The following CSMD3 variants were observed in gnomAD, a reference collection of about 807,000 sequenced individuals.
CSMD3 encodes the protein CUB and sushi domain-containing protein 3.
In CSMD3, 177 loss-of-function variants were observed where a neutral mutation model predicts 435.2. The ratio of observed to expected loss-of-function variants is 0.41; its 90% CI spans 0.36 to 0.46. CSMD3 has a LOEUF of 0.46. Among genes scored for constraint, CSMD3 ranks in the 20% least tolerant of loss-of-function variants. The pLI is 0.34. For synonymous variants in CSMD3, 1,656 were observed against 1,520.5 expected (o/e 1.09, Z -2.07); for missense variants, 4,265 against 4,504.6 (o/e 0.95, Z 1.52).
chr8:112,653,335 C>T (rs1328108301), intron 18 of CSMD3, among the ~76,000 whole-genome samples: 1 of 152,132 alleles, frequency 6.6e-6, no homozygotes, highest in Non-Finnish European at 1.5e-5. Context: ...CCTCAAATAT[C>T]TATTGATCAT....
chr8:112,664,893 T>A lies in CSMD3; in HGVS notation c.2816+1384A>T, dbSNP rs77719329. Among the ~76,000 whole-genome samples the A allele has an allele frequency of 1.8e-3, 272 of 152,248 alleles. 2 individuals carry two copies. Among genetic ancestry groups the A allele is most frequent in the Middle Eastern group, 0.01 (3 of 294 alleles). ...TGAGAAAATTAGTTTTTGTTTTTTATCTCATGCAGTCTGTGACACTTGGTT... is the reference window on the plus strand; with the variant it reads ...TGAGAAAATTAGTTTTTGTTTTTTAACTCATGCAGTCTGTGACACTTGGTT... On this transcript the variant is annotated intron_variant, in intron 17 of 70. Transcript: ENST00000297405.
intron 1 of CSMD3, among the ~76,000 whole-genome samples, chr8:113,386,017 G>C (rs1328440855): frequency 6.6e-6 from 1 of 152,006 alleles, no homozygotes; most frequent in East Asian, 1.9e-4. Flanking sequence ...ATAAAGTTGA[G>C]ATAGTCAAAT....
chr8:112,652,111 G>T (rs1168622785), intron 18 of CSMD3, among the ~76,000 whole-genome samples: 1 of 152,016 alleles, frequency 6.6e-6, no homozygotes, highest in Non-Finnish European at 1.5e-5. Context: ...ATGGCTAATG[G>T]CACCATGTTC....
At chr8:112,369,630 C>T (rs1348237311) in intron 38 of CSMD3, among the ~76,000 whole-genome samples, 1 of 152,090 alleles carries the variant, frequency 6.6e-6, no homozygotes, top group African/African-American at 2.4e-5. Context: ...CAAAACCCCA[C>T]ATGTTCTCAC....
At chr8:112,851,374 GT>G (rs1811740631) in intron 11 of CSMD3, among the ~76,000 whole-genome samples, 2 of 152,072 alleles carry the variant, frequency 1.3e-5, no homozygotes, top group South Asian at 4.1e-4. Flanking sequence ...CCAGTTTCAC[GT>G]TTTTTCTCAT....
At chr8:112,337,159 C>T (rs967748595) in intron 43 of CSMD3, among the ~76,000 whole-genome samples, 1 of 151,936 alleles carries the variant, frequency 6.6e-6, no homozygotes, top group African/African-American at 2.4e-5. Flanking sequence ...CATATAAGGC[C>T]TTATAAGAGG....
intron 13 of CSMD3, among the ~76,000 whole-genome samples, chr8:112,776,748 G>T (rs893422245): frequency 6.6e-6 from 1 of 151,660 alleles, no homozygotes; most frequent in Admixed American, 6.6e-5. Context: ...CTAAAGCAAT[G>T]ACCATTATAT....
chr8:112,731,502 G>A (rs1020677117), intron 13 of CSMD3, among the ~76,000 whole-genome samples: 2 of 152,100 alleles, frequency 1.3e-5, no homozygotes, highest in Non-Finnish European at 2.9e-5. Context: ...TATGAACATG[G>A]ATTTTAGATA....
intron 5 of CSMD3, among the ~76,000 whole-genome samples, chr8:113,036,048 T>C (rs2087337002): frequency 6.6e-6 from 1 of 151,974 alleles, no homozygotes; most frequent in African/African-American, 2.4e-5. Context: ...AGAAAGCCAA[T>C]GTTTTAAAAG....
chr8:113,020,699 C>G (rs765431398), intron 5 of CSMD3, among the ~76,000 whole-genome samples: 5 of 152,138 alleles, frequency 3.3e-5, no homozygotes, highest in Non-Finnish European at 5.9e-5. Flanking sequence ...TCACAGTTTT[C>G]TTCTTCAGAA....
At chr8:112,357,048 G>A (rs756557888) in intron 38 of CSMD3, among the ~76,000 whole-genome samples, 1 of 152,154 alleles carries the variant, frequency 6.6e-6, no homozygotes, top group Non-Finnish European at 1.5e-5. Flanking sequence ...GAACAGTTTG[G>A]AGGGCTCAGA....
rs142651416 is a variant in CSMD3 at position 112,790,974 on chromosome 8, T to C, written c.1972+9188A>G. Among the ~76,000 whole-genome samples, 75 of 152,198 alleles carry C rather than the reference T, an allele frequency of 4.9e-4. No individual in the cohort carries two copies. In the Middle Eastern group the frequency reaches 0.01, roughly 21 times the overall value. ...AACCACTCATATTTAAAGTATACAG[T>C]TTGATAAATTTTCACACATATATGC... On this transcript the variant is annotated intron_variant, in intron 13 of 70. Coordinates refer to ENST00000297405, the MANE Select transcript of CSMD3 (RefSeq NM_198123.2).
At chr8:112,314,378 G>A (rs1488118293) in intron 48 of CSMD3, 51 bp downstream of exon 48, 2 of 1,284,524 alleles carry the variant, frequency 1.6e-6, no homozygotes, top group African/African-American at 2.9e-5. Flanking sequence ...TGTATAATTA[G>A]AACATTTGTA....
chr8:113,153,162 G>GGAAA (rs2091862891), intron 4 of CSMD3, among the ~76,000 whole-genome samples: 1 of 137,836 alleles, frequency 7.3e-6, no homozygotes, highest in Admixed American at 7.4e-5. Context: ...AAGGAAGGAA[G>GGAAA]GAAGGAAGGA....
chr8:112,479,296 A>T (rs1819393832), intron 31 of CSMD3, among the ~76,000 whole-genome samples: 1 of 152,230 alleles, frequency 6.6e-6, no homozygotes, highest in South Asian at 2.1e-4. Flanking sequence ...GAAGGGAAGT[A>T]GAGTGTAAAC....
intron 33 of CSMD3, 46 bp from the exon 34 acceptor site, chr8:112,408,459 C>G (rs2130067558): frequency 8.9e-7 from 1 of 1,129,268 alleles, no homozygotes; most frequent in Non-Finnish European, 1.4e-6. Context: ...AATTTTCATT[C>G]AGTAAACCTA....
rs11440584 is a variant in CSMD3, at chr8:113,308,258, C to CTTTTTTTTTT, written c.401+6303_401+6312dup. 1.1e-3 allele frequency among the ~76,000 whole-genome samples: 71 copies of CTTTTTTTTTT among 64,966 alleles called. 14 individuals carry two copies. Among genetic ancestry groups the CTTTTTTTTTT allele is most frequent in the East Asian group, 3.0e-3 (6 of 1,976 alleles). 42.6% of individuals were successfully genotyped at this position (64,966 alleles called of 152,430 possible). A position where few individuals can be genotyped will look rare whatever the true frequency, so the allele number is the denominator to read the frequency against. ...TAAATATCCAGTAAATCATTTAAGT[C>CTTTTTTTTTT]TTTTTTTTTTTTTTTTTTTTTTTTT... On this transcript the variant is annotated intron_variant, in intron 2 of 70. Transcript: ENST00000297405.
At chr8:113,124,802 T>G (rs1036635716) in intron 4 of CSMD3, among the ~76,000 whole-genome samples, 1 of 151,988 alleles carries the variant, frequency 6.6e-6, no homozygotes, top group African/African-American at 2.4e-5. Flanking sequence ...ATCTTTTATC[T>G]TTGCACCTCT....
chr8:113,421,037 T>C (rs2094606654), intron 1 of CSMD3, among the ~76,000 whole-genome samples: 2 of 151,598 alleles, frequency 1.3e-5, no homozygotes, highest in Admixed American at 1.3e-4. Context: ...TAACTGACAT[T>C]ATAAAACCTA....
Sources: allele counts gnomAD v4.1 joint callset (sites outside exome capture counted in the v4.1 genomes callset), GRCh38; gene constraint gnomAD v4.1.1; transcripts MANE v1.5; gene names NCBI Gene and HGNC (gene_info 2026-07-23, HGNC 2026-07-21).